The following ERC2 variants were observed in gnomAD, a reference collection of about 807,000 sequenced individuals.
ERC2 encodes the protein ELKS/RAB6-interacting/CAST family member 2.
ERC2 carries 42 observed loss-of-function variants against 114.8 expected under a neutral mutation model. That is an observed-to-expected ratio of 0.37 (90% CI 0.29 to 0.47). The LOEUF (loss-of-function observed/expected upper bound fraction) is 0.47. ERC2 is among the 20% of genes least tolerant of loss of function. The pLI is 0.99. For missense variants in ERC2, 939 were observed against 1,150.7 expected (o/e 0.82, Z 2.66); for synonymous variants, 454 against 425.5 (o/e 1.07, Z -0.82).
intron 4 of ERC2, among the ~76,000 whole-genome samples, chr3:56,161,408 T>C (rs1320165622): frequency 2.0e-5 from 3 of 152,258 alleles, no homozygotes; most frequent in Non-Finnish European, 4.4e-5. Context: ...ATATGAAGTT[T>C]AGAAAAGTTT....
chr3:56,221,851 C>T (rs928742077), intron 3 of ERC2, among the ~76,000 whole-genome samples: 1 of 151,934 alleles, frequency 6.6e-6, no homozygotes, highest in Non-Finnish European at 1.5e-5. Flanking sequence ...GAGCAGAGAT[C>T]GTGCCACTGC....
chr3:55,897,658 C>T (rs1164501493), intron 13 of ERC2, among the ~76,000 whole-genome samples: 1 of 151,426 alleles, frequency 6.6e-6, no homozygotes, highest in Admixed American at 6.5e-5. Flanking sequence ...AACGCTTAAA[C>T]CCCCCGTCAG....
At chr3:56,069,739 T>A (rs2076640808) in intron 7 of ERC2, among the ~76,000 whole-genome samples, 1 of 152,188 alleles carries the variant, frequency 6.6e-6, no homozygotes, top group South Asian at 2.1e-4. Context: ...TATATGTGGG[T>A]GCTACTGCTG....
At chr3:56,233,438 T>C (rs947748037) in intron 3 of ERC2, among the ~76,000 whole-genome samples, 2 of 152,086 alleles carry the variant, frequency 1.3e-5, no homozygotes, top group African/African-American at 2.4e-5. Flanking sequence ...CTGGCCAACA[T>C]GGTGAAACCC....
intron 17 of ERC2, among the ~76,000 whole-genome samples, chr3:55,542,175 C>T (rs1428297107): frequency 1.3e-5 from 2 of 152,220 alleles, no homozygotes; most frequent in African/African-American, 4.8e-5. Context: ...CTATATCCTA[C>T]AGAAGAGGTC....
chr3:55,771,780 T>C (rs1271490282), intron 14 of ERC2, among the ~76,000 whole-genome samples: 1 of 152,198 alleles, frequency 6.6e-6, no homozygotes, highest in Non-Finnish European at 1.5e-5. Context: ...GTACCCACTC[T>C]GCCCCACAGC....
At position 56,271,486 on chromosome 3, in the gene ERC2, T is replaced by C. The variant is rs180927799; in HGVS notation, c.1074+24533A>G. On this transcript the variant is annotated intron_variant, in intron 3 of 17. Coordinates refer to ENST00000288221, the MANE Select transcript of ERC2 (RefSeq NM_015576.3). ...GGCCTCAGTTTCTACAGCTATAAGA[T>C]AGAGATAACAGAACCTTACACAAGG... is the stretch of plus-strand genomic sequence containing the variant. Among the ~76,000 whole-genome samples, 5 of 152,234 alleles carry C rather than the reference T, an allele frequency of 3.3e-5. No individual in the cohort carries two copies. In the East Asian group the frequency reaches 5.8e-4, roughly 18 times the overall value.
At chr3:55,523,039 T>G (rs2053068393) in intron 17 of ERC2, among the ~76,000 whole-genome samples, 1 of 152,248 alleles carries the variant, frequency 6.6e-6, no homozygotes, top group South Asian at 2.1e-4. Flanking sequence ...TTAACTCCTC[T>G]AAGACTGGGT....
At chr3:56,386,980 A>G (rs1560724358) in intron 2 of ERC2, among the ~76,000 whole-genome samples, 1 of 152,192 alleles carries the variant, frequency 6.6e-6, no homozygotes, top group Non-Finnish European at 1.5e-5. Context: ...TACCTGTGAG[A>G]GGGACCTGCG....
Position 55,865,684 on chromosome 3 carries a change from G to A in ERC2, c.2564+22705C>T, listed in dbSNP as rs2062277834. Among the ~76,000 whole-genome samples, 4 of 152,108 alleles carry A rather than the reference G, an allele frequency of 2.6e-5. No individual in the cohort carries two copies. The East Asian group carries it at 7.7e-4, about 29-fold the overall frequency. ...TCTGTCTCTATAGATTTGCCTATTT[G>A]TCATATAAATTAGATCATACAATGT... On this transcript the variant is annotated intron_variant, in intron 14 of 17. Transcript: ENST00000288221.
At chr3:56,374,065 C>T (rs1178232431) in intron 2 of ERC2, among the ~76,000 whole-genome samples, 1 of 151,992 alleles carries the variant, frequency 6.6e-6, no homozygotes, top group Non-Finnish European at 1.5e-5. Flanking sequence ...ATGCCCACCC[C>T]TATGCACAGA....
chr3:55,809,439 G>A (rs990135200), intron 14 of ERC2, among the ~76,000 whole-genome samples: 1 of 152,082 alleles, frequency 6.6e-6, no homozygotes, highest in Non-Finnish European at 1.5e-5. Flanking sequence ...TCAACAGAGC[G>A]AAGAGACAAC....
Position 55,509,231 on chromosome 3 carries a change from TG to T in ERC2, c.*2084del, listed in dbSNP as rs941554400. 13 of 151,560 alleles carry T rather than the reference TG, an allele frequency of 8.6e-5. No homozygotes were observed. Among genetic ancestry groups the T allele is most frequent in the African/African-American group, 2.7e-4 (11 of 40,502 alleles). 9.4% of individuals were successfully genotyped at this position (151,560 alleles called of 1,614,324 possible). A position where few individuals can be genotyped will look rare whatever the true frequency, so the allele number is the denominator to read the frequency against. On this transcript the variant is annotated 3_prime_UTR_variant, in exon 18 of 18. Transcript: ENST00000288221. ...TAGAAATAGCTAGCTATACATGGGT[TG>T]GTTTTTTTTTTCTGTTTCAAGGACC...
chr3:55,682,162 T>C (rs2062088141), intron 17 of ERC2, among the ~76,000 whole-genome samples: 1 of 152,226 alleles, frequency 6.6e-6, no homozygotes, highest in South Asian at 2.1e-4. Context: ...TATTAGCTTT[T>C]CTCTGTGAGT....
intron 1 of ERC2, among the ~76,000 whole-genome samples, chr3:56,449,028 T>A (rs1051097962): frequency 2.0e-5 from 3 of 148,278 alleles, no homozygotes; most frequent in African/African-American, 7.6e-5. Context: ...TCAGCCGAGA[T>A]TGTGCCACTG....
intron 14 of ERC2, among the ~76,000 whole-genome samples, chr3:55,864,128 C>CAT (rs1312516557): frequency 5.2e-5 from 6 of 115,264 alleles, no homozygotes; most frequent in Non-Finnish European, 7.2e-5. Flanking sequence ...TACACACACA[C>CAT]ATATATATAT....
intron 17 of ERC2, among the ~76,000 whole-genome samples, chr3:55,593,581 A>T (rs1182590174): frequency 1.3e-5 from 2 of 152,194 alleles, no homozygotes; most frequent in Non-Finnish European, 2.9e-5. Context: ...CTTAAGAGAA[A>T]GTCAAGTCCA....
chr3:56,034,551 T>C (rs1201745494), intron 7 of ERC2, among the ~76,000 whole-genome samples: 1 of 152,168 alleles, frequency 6.6e-6, no homozygotes, highest in Non-Finnish European at 1.5e-5. Context: ...CAAGTGCATA[T>C]GAAACATTCT....
intron 14 of ERC2, among the ~76,000 whole-genome samples, chr3:55,812,035 C>T (rs60213760): frequency 0.029 from 4,480 of 152,272 alleles, 82 homozygotes; most frequent in Middle Eastern, 0.071. Context: ...CCACAGGCCC[C>T]AGTGTATGTT....
Sources: gnomAD v4.1 joint callset for allele counts (sites outside exome capture counted in the v4.1 genomes callset) on GRCh38, gnomAD v4.1.1 for gene constraint, MANE v1.5 for transcripts, NCBI Gene and HGNC (gene_info 2026-07-23, HGNC 2026-07-21) for gene names.